Variants in SH3KBP1 observed in about 807,000 individuals in gnomAD.
The protein encoded by SH3KBP1 is SH3 domain-containing kinase-binding protein 1.
In SH3KBP1, 8 loss-of-function variants were observed where a neutral mutation model predicts 50.1. The ratio of observed to expected loss-of-function variants is 0.16; its 90% CI spans 0.09 to 0.29. SH3KBP1 has a LOEUF of 0.29. Ranked by LOEUF, SH3KBP1 falls within the 10% of genes least tolerant of loss-of-function variation. The probability of loss-of-function intolerance (pLI) is 1.00; values close to 1 mark genes in which losing one functional copy is unlikely to be tolerated. For missense variants in SH3KBP1, 377 were observed against 535.2 expected (o/e 0.70, Z 2.92); for synonymous variants, 227 against 218.6 (o/e 1.04, Z -0.34).
intron 2 of SH3KBP1, among the ~76,000 whole-genome samples, chrX:19,793,537 G>A: frequency 9.1e-6 from 1 of 110,071 alleles, no homozygotes; most frequent in East Asian, 2.8e-4. Flanking sequence ...GAGTGCACAA[G>A]AAGCTTCAAC....
intron 6 of SH3KBP1, among the ~76,000 whole-genome samples, chrX:19,667,185 G>C (rs1051438997): frequency 9.8e-5 from 11 of 111,992 alleles, no homozygotes; most frequent in African/African-American, 3.2e-4. Flanking sequence ...TAGCTGCCGG[G>C]GTCAGGGGTA....
chrX:19,604,066 G>A (rs2067170933), intron 9 of SH3KBP1, among the ~76,000 whole-genome samples: 1 of 111,190 alleles, frequency 9.0e-6, no homozygotes. Flanking sequence ...AGTTGTTTCT[G>A]CTGTTTTTGA....
chrX:19,705,288 A>G (rs1157362431), intron 4 of SH3KBP1, among the ~76,000 whole-genome samples: 1 of 111,978 alleles, frequency 8.9e-6, no homozygotes, highest in Non-Finnish European at 1.9e-5. Flanking sequence ...CTTCTGTCAT[A>G]ATTTATTGCA....
chrX:19,843,008 C>CT (rs1208728077), intron 1 of SH3KBP1, among the ~76,000 whole-genome samples: 1,243 of 65,168 alleles, frequency 0.019, 156 homozygotes, highest in Non-Finnish European at 0.026. Flanking sequence ...CGTGCATCAA[C>CT]TTTTTTTTTT....
intron 10 of SH3KBP1, among the ~76,000 whole-genome samples, chrX:19,592,948 G>A (rs900224926): frequency 3.6e-5 from 4 of 112,205 alleles, no homozygotes; most frequent in African/African-American, 1.3e-4. Flanking sequence ...AGATATGACG[G>A]AGCAGAGACA....
intron 8 of SH3KBP1, among the ~76,000 whole-genome samples, chrX:19,618,111 C>T (rs913638017): frequency 8.1e-5 from 9 of 110,568 alleles, no homozygotes; most frequent in Admixed American, 2.9e-4. Context: ...TAGGGCTAGG[C>T]GCAGTGGCTC....
intron 10 of SH3KBP1, among the ~76,000 whole-genome samples, chrX:19,594,123 T>C (rs1232310273): frequency 8.9e-6 from 1 of 112,565 alleles, no homozygotes; most frequent in Non-Finnish European, 1.9e-5. Flanking sequence ...TTAACTGTTA[T>C]AGAAATATAA....
At chrX:19,695,883 G>GA in intron 4 of SH3KBP1, 142 bp from the exon 5 acceptor site, 1 of 500,503 alleles carries the variant, frequency 2.0e-6, no homozygotes, top group Non-Finnish European at 3.2e-6. Flanking sequence ...CAGGGAACAA[G>GA]AAAAAAAGAC....
At chrX:19,796,557 G>T (rs1041708556) in intron 2 of SH3KBP1, among the ~76,000 whole-genome samples, 3 of 111,882 alleles carry the variant, frequency 2.7e-5, no homozygotes, top group Admixed American at 1.9e-4. Context: ...AGAGCATCAG[G>T]GCAGGGGAAA....
chrX:19,604,989 A>G (rs1158167314), intron 9 of SH3KBP1, among the ~76,000 whole-genome samples: 4 of 111,734 alleles, frequency 3.6e-5, no homozygotes, highest in African/African-American at 1.3e-4. Context: ...GGGGGATTAG[A>G]GAGATGCCCA....
At chrX:19,828,166 T>C (rs2067746523) in intron 2 of SH3KBP1, among the ~76,000 whole-genome samples, 1 of 111,332 alleles carries the variant, frequency 9.0e-6, no homozygotes, top group African/African-American at 3.3e-5. Context: ...GTAGAGATGA[T>C]AACCCCAAAG....
At position 19,786,575 on chromosome X, in the gene SH3KBP1, C is replaced by A. The variant is rs147632671; in HGVS notation, c.163-40134G>T. Reference sequence around the variant, plus strand: ...AAGCACTAAGTCAATTTAAGGGTAGCAACAGTGTGACCAAATACTATTGTC... The same window carrying A: ...AAGCACTAAGTCAATTTAAGGGTAGAAACAGTGTGACCAAATACTATTGTC... On this transcript the variant is annotated intron_variant, in intron 2 of 17. Coordinates refer to ENST00000397821, the MANE Select transcript of SH3KBP1 (RefSeq NM_031892.3). Among the ~76,000 whole-genome samples, 564 of 112,051 alleles carry A rather than the reference C, an allele frequency of 5.0e-3. 3 individuals are homozygous for A. Among genetic ancestry groups the A allele is most frequent in the African/African-American group, 0.017 (536 of 30,821 alleles).
At chrX:19,860,878 A>G (rs1324442823) in intron 1 of SH3KBP1, among the ~76,000 whole-genome samples, 1 of 111,829 alleles carries the variant, frequency 8.9e-6, no homozygotes, top group Non-Finnish European at 1.9e-5. Context: ...ACAGTATTAG[A>G]TATAGTATAG....
intron 13 of SH3KBP1, among the ~76,000 whole-genome samples, chrX:19,551,193 A>C (rs955826542): frequency 1.8e-5 from 2 of 112,016 alleles, no homozygotes. Flanking sequence ...CTGGGATTAC[A>C]TTAAGTGACA....
chrX:19,566,154 T>C (rs1484953628), intron 13 of SH3KBP1, among the ~76,000 whole-genome samples: 2 of 110,343 alleles, frequency 1.8e-5, no homozygotes, highest in Non-Finnish European at 3.8e-5. Flanking sequence ...AAAAATACCA[T>C]TAACTTGAGA....
At chrX:19,756,325 G>T (rs985512418) in intron 2 of SH3KBP1, among the ~76,000 whole-genome samples, 2 of 111,287 alleles carry the variant, frequency 1.8e-5, no homozygotes, top group African/African-American at 6.5e-5. Flanking sequence ...TGTTTTCACA[G>T]CATGTGACGT....
chrX:19,712,638 T>C (rs1345300735), intron 3 of SH3KBP1, among the ~76,000 whole-genome samples: 1 of 111,067 alleles, frequency 9.0e-6, no homozygotes, highest in Non-Finnish European at 1.9e-5. Context: ...GATTAAGATA[T>C]TTACCAAATC....
rs758139472 is a variant in SH3KBP1, at chrX:19,550,361, G to A, written c.1385-278C>T. On this transcript the variant is annotated intron_variant, in intron 13 of 17. Coordinates refer to ENST00000397821, the MANE Select transcript of SH3KBP1 (RefSeq NM_031892.3). ...AGCTATATCCATAAATCTTTAAAAA[G>A]CTACATAAAGAGGATTAGAGGAAGA... Among the ~76,000 whole-genome samples the A allele has an allele frequency of 5.7e-4, 64 of 111,579 alleles. 1 individual carries two copies. Among genetic ancestry groups the A allele is most frequent in the African/African-American group, 2.0e-3 (61 of 30,718 alleles).
intron 1 of SH3KBP1, among the ~76,000 whole-genome samples, chrX:19,840,086 A>G (rs182577642): frequency 8.9e-6 from 1 of 112,298 alleles, no homozygotes; most frequent in East Asian, 2.8e-4. Context: ...TCCTGTCAAG[A>G]TGAATTTTTT....
Sources: allele counts gnomAD v4.1 joint callset (sites outside exome capture counted in the v4.1 genomes callset), GRCh38; gene constraint gnomAD v4.1.1; transcripts MANE v1.5; gene names NCBI Gene and HGNC (gene_info 2026-07-23, HGNC 2026-07-21).